The following IFT25 variants were observed in gnomAD, a reference collection of about 807,000 sequenced individuals.
The protein encoded by IFT25 is intraflagellar transport protein 25 homolog.
At chr1:53,925,380 G>T in the IFT25 span, among the ~76,000 whole-genome samples, 1 of 151,918 alleles carries the variant, frequency 6.6e-6, no homozygotes, top group African/African-American at 2.4e-5. Flanking sequence ...AAAAATATCG[G>T]CTGGGCATGG....
chr1:53,927,525 T>C, the IFT25 span, among the ~76,000 whole-genome samples: 1 of 152,210 alleles, frequency 6.6e-6, no homozygotes, highest in African/African-American at 2.4e-5. Context: ...TATTTGCAGT[T>C]GTCTCTTGAG....
At chr1:53,930,144 T>G in the IFT25 span, 1 of 1,546,228 alleles carries the variant, frequency 6.5e-7, no homozygotes. Flanking sequence ...GTTTCTGGAT[T>G]CCTATTGTTA....
chr1:53,917,663 C>T, the IFT25 span, among the ~76,000 whole-genome samples: 13,148 of 151,886 alleles, frequency 0.087, 602 homozygotes, highest in Middle Eastern at 0.12. Context: ...CCCAACTCTA[C>T]TAAAAATACA....
At chr1:53,929,832 C>T in the IFT25 span, 2 of 731,346 alleles carry the variant, frequency 2.7e-6, no homozygotes, top group South Asian at 7.4e-5. Flanking sequence ...GCCAACTGAG[C>T]TCAAGGCATT....
chr1:53,944,373 G>C, the IFT25 span, among the ~76,000 whole-genome samples: 3 of 152,174 alleles, frequency 2.0e-5, no homozygotes, highest in Non-Finnish European at 4.4e-5. Flanking sequence ...AGCCGGACCT[G>C]GTGGCAGGCG....
At chr1:53,929,909 G>T in the IFT25 span, 22 of 1,320,284 alleles carry the variant, frequency 1.7e-5, no homozygotes, top group South Asian at 4.6e-4. Context: ...AGAAAAACTA[G>T]TGTTTTGCCA....
chr1:53,921,529 T>C, the IFT25 span: 12 of 686,344 alleles, frequency 1.7e-5, no homozygotes, highest in African/African-American at 7.3e-5. Context: ...ACCCCAAATA[T>C]TGAAAAGAAT....
chr1:53,936,109 A>G, the IFT25 span, among the ~76,000 whole-genome samples: 40 of 151,740 alleles, frequency 2.6e-4, no homozygotes, highest in African/African-American at 9.7e-4. Flanking sequence ...AAAAAAAAAG[A>G]AACCCTGTCT....
the IFT25 span, chr1:53,923,928 C>T: frequency 2.4e-5 from 38 of 1,594,806 alleles, no homozygotes; most frequent in Middle Eastern, 1.7e-4. Flanking sequence ...TTTGAAGCTG[C>T]CCCTCTGTGT....
At chr1:53,944,712 T>C in the IFT25 span, among the ~76,000 whole-genome samples, 1 of 152,164 alleles carries the variant, frequency 6.6e-6, no homozygotes, top group South Asian at 2.1e-4. Flanking sequence ...GGCAATTTCC[T>C]CAGGGCCGCA....
At chr1:53,930,251 CA>C in the IFT25 span, 3 of 1,055,978 alleles carry the variant, frequency 2.8e-6, no homozygotes, top group African/African-American at 1.7e-5. Context: ...ACTGGATTCT[CA>C]CATCTCCTTT....
At chr1:53,941,575 G>A in the IFT25 span, among the ~76,000 whole-genome samples, 15 of 151,942 alleles carry the variant, frequency 9.9e-5, no homozygotes, top group Non-Finnish European at 1.9e-4. Context: ...CACAGTTTTC[G>A]ACACTATTGA....
the IFT25 span, among the ~76,000 whole-genome samples, chr1:53,931,868 T>C: frequency 1.3e-5 from 2 of 152,240 alleles, no homozygotes; most frequent in African/African-American, 4.8e-5. Flanking sequence ...TACTATTTAT[T>C]TTCTTCTATT....
At chr1:53,933,026 T>A in the IFT25 span, among the ~76,000 whole-genome samples, 1 of 152,232 alleles carries the variant, frequency 6.6e-6, no homozygotes, top group Non-Finnish European at 1.5e-5. Context: ...TAACTATAAC[T>A]GTGAATTTGT....
chr1:53,930,222 T>C, the IFT25 span: 1 of 1,346,932 alleles, frequency 7.4e-7, no homozygotes, highest in Non-Finnish European at 1.0e-6. Flanking sequence ...GAATACCTGT[T>C]TTTTAAAATT....
At chr1:53,916,296 TAATGAG>T in the IFT25 span, among the ~76,000 whole-genome samples, 10 of 152,164 alleles carry the variant, frequency 6.6e-5, no homozygotes, top group East Asian at 1.9e-4. Context: ...TTTAAGGTGA[TAATGAG>T]AATGAGTTTT....
the IFT25 span, chr1:53,921,831 T>A: frequency 3.1e-6 from 3 of 967,030 alleles, no homozygotes; most frequent in Admixed American, 1.8e-5. Flanking sequence ...AACAAGCAGT[T>A]AGCAAAAGAA....
the IFT25 span, among the ~76,000 whole-genome samples, chr1:53,944,442 C>T: frequency 6.6e-6 from 1 of 152,148 alleles, no homozygotes; most frequent in Admixed American, 6.5e-5. Context: ...GCCAGCGGTT[C>T]AAGACCAGCC....
the IFT25 span, among the ~76,000 whole-genome samples, chr1:53,938,956 C>T: frequency 1.3e-5 from 2 of 151,822 alleles, no homozygotes; most frequent in African/African-American, 2.4e-5. Context: ...TGCCTGTAAT[C>T]CCAGCTACTC....
Sources: gnomAD v4.1 joint callset for allele counts (sites outside exome capture counted in the v4.1 genomes callset) on GRCh38, gnomAD v4.1.1 for gene constraint, MANE v1.5 for transcripts, NCBI Gene and HGNC (gene_info 2026-07-23, HGNC 2026-07-21) for gene names.